Variants in VNN1 observed in about 807,000 individuals in gnomAD.
VNN1 encodes pantetheinase.
VNN1 carries 29 observed loss-of-function variants against 41.9 expected under a neutral mutation model. That is an observed-to-expected ratio of 0.69 (90% CI 0.52 to 0.94). VNN1 has a LOEUF of 0.94. Among genes scored for constraint, VNN1 ranks in the 40% least tolerant of loss-of-function variants. The pLI is 0.00. For missense variants in VNN1, 637 were observed against 621.1 expected (o/e 1.03, Z -0.27); for synonymous variants, 233 against 224.4 (o/e 1.04, Z -0.34).
chr6:132,706,669 G>A (rs570707360), intron 2 of VNN1, among the ~76,000 whole-genome samples: 1 of 152,118 alleles, frequency 6.6e-6, no homozygotes, highest in Admixed American at 6.6e-5. Flanking sequence ...ATCACATGAA[G>A]GTAAAAAGCT....
intron 2 of VNN1, among the ~76,000 whole-genome samples, chr6:132,704,194 A>G (rs1459591575): frequency 1.3e-5 from 2 of 152,292 alleles, no homozygotes; most frequent in East Asian, 3.9e-4. Flanking sequence ...CTTAATCTGC[A>G]TTACAGACCA....
At chr6:132,712,261 C>A (rs544313264) in intron 1 of VNN1, among the ~76,000 whole-genome samples, 1 of 151,470 alleles carries the variant, frequency 6.6e-6, no homozygotes, top group African/African-American at 2.4e-5. Context: ...GCGATTCTCC[C>A]GCCTCAGCCT....
intron 5 of VNN1, 126 bp downstream of exon 5, chr6:132,692,097 A>T (rs1778295064): frequency 9.1e-7 from 1 of 1,101,550 alleles, no homozygotes; most frequent in Non-Finnish European, 1.2e-6. Flanking sequence ...CAAAATTTTT[A>T]GCATACATAA....
At position 132,684,061 on chromosome 6, in the gene VNN1, C is replaced by T. The variant is rs926794749; in HGVS notation, c.1359+274G>A. On this transcript the variant is annotated intron_variant, in intron 6 of 6. Transcript: ENST00000367928. ...ATGGCACTGGTTCTGAAACTACTCT[C>T]GTTGAATCTTCTTTCTACTTGGAAG... 3.3e-5 allele frequency among the ~76,000 whole-genome samples: 5 copies of T among 152,118 alleles called. No homozygotes were observed. The East Asian group carries it at 7.7e-4, about 24-fold the overall frequency.
chr6:132,702,530 C>T (rs566301151), intron 2 of VNN1, among the ~76,000 whole-genome samples: 2 of 152,130 alleles, frequency 1.3e-5, no homozygotes, highest in Non-Finnish European at 2.9e-5. Flanking sequence ...AGTGAGACAC[C>T]AGCTGGAGTA....
At chr6:132,712,023 T>C (rs1778607960) in intron 1 of VNN1, among the ~76,000 whole-genome samples, 184 bp from the exon 2 acceptor site, 1 of 152,138 alleles carries the variant, frequency 6.6e-6, no homozygotes, top group African/African-American at 2.4e-5. Context: ...GCACTGTCAC[T>C]TCTTTTTCTT....
intron 2 of VNN1, among the ~76,000 whole-genome samples, chr6:132,695,749 T>C (rs1239322249): frequency 6.6e-6 from 1 of 152,156 alleles, no homozygotes; most frequent in Non-Finnish European, 1.5e-5. Flanking sequence ...TCGCCATACA[T>C]GCCCAGGGAA....
rs767686848 is a variant in VNN1, at chr6:132,683,219, G to A, written c.1463C>T (p.Ala488Val). 5.0e-6 allele frequency: 8 copies of A among 1,614,080 alleles called. No individual in the cohort carries two copies. Among genetic ancestry groups the A allele is most frequent in the East Asian group, 2.2e-5 (1 of 44,872 alleles). ...RLYEKDWASN[A>V]SSGLTAQARI... The stretch of plus-strand genomic sequence containing the variant: ...TGCTTGTGCTGTGAGGCCTGATGAA[G>A]CATTTGATGCCCAGTCCTTCTCATA... The change falls in exon 7 of 7, where the codon GCT becomes GTT. Residue 488 changes from alanine to valine, a missense_variant. Physicochemically the swap from Ala to Val is moderately conservative, Grantham distance 64 (BLOSUM62 0). Coordinates refer to ENST00000367928, the MANE Select transcript of VNN1 (RefSeq NM_004666.3).
Position 132,692,405 on chromosome 6 carries a change from T to G in VNN1, c.1006A>C (p.Thr336Pro). 6.2e-7 allele frequency: 1 copy of G among 1,614,146 alleles called. No individual in the cohort carries two copies. The highest frequency in any genetic ancestry group is 8.5e-7 in the Non-Finnish European group (1 of 1,180,014). The change falls in exon 5 of 7, where the codon ACT becomes CCT. Residue 336 changes from threonine (T) to proline (P), a missense_variant. Thr to Pro is a conservative substitution (Grantham distance 38). Coordinates refer to ENST00000367928, the MANE Select transcript of VNN1 (RefSeq NM_004666.3). Reference sequence around the variant, plus strand: ...AAAGTGAATTCATCGAAAAAGACAGTGCCTTTAAATTCCTTGTTTCCTGAT... The same window carrying G: ...AAAGTGAATTCATCGAAAAAGACAGGGCCTTTAAATTCCTTGTTTCCTGAT... Reference protein sequence around the residue: ...LSSGNKEFKGTVFFDEFTFVK... With the variant: ...LSSGNKEFKGPVFFDEFTFVK...
chr6:132,703,176 C>A (rs1379049957), intron 2 of VNN1, among the ~76,000 whole-genome samples: 1 of 152,060 alleles, frequency 6.6e-6, no homozygotes, highest in Non-Finnish European at 1.5e-5. Flanking sequence ...TTTCTTCAAT[C>A]TGAAAGAAAA....
rs45580133 is a variant in VNN1, at chr6:132,681,304, A to G, written c.*1836T>C. On this transcript the variant is annotated 3_prime_UTR_variant, in exon 7 of 7. Coordinates refer to ENST00000367928, the MANE Select transcript of VNN1 (RefSeq NM_004666.3). ...TTATGAAAGTTTTTCTAGCATCCTAAAGAATGGAGGCCTGGCAACCGCCGT... is the reference window on the plus strand; with the variant it reads ...TTATGAAAGTTTTTCTAGCATCCTAGAGAATGGAGGCCTGGCAACCGCCGT... Among the ~76,000 whole-genome samples the G allele has an allele frequency of 6.6e-6, 1 of 152,120 alleles. No homozygotes were observed. The highest frequency in any genetic ancestry group is 2.1e-4 in the South Asian group (1 of 4,820).
chr6:132,697,462 A>C (rs1778390543), intron 2 of VNN1, among the ~76,000 whole-genome samples: 1 of 152,154 alleles, frequency 6.6e-6, no homozygotes, highest in Non-Finnish European at 1.5e-5. Flanking sequence ...TTAATGCCTG[A>C]TTTTTTTATT....
chr6:132,691,779 C>T (rs192447139), intron 5 of VNN1, among the ~76,000 whole-genome samples: 2 of 152,158 alleles, frequency 1.3e-5, no homozygotes, highest in Admixed American at 6.5e-5. Flanking sequence ...GGCGGATCAC[C>T]TGAGCTCGGG....
rs1327580479 is a variant in VNN1, at chr6:132,688,774, C to G, written c.1188+3449G>C. Among the ~76,000 whole-genome samples, 3 of 152,102 alleles carry G rather than the reference C, an allele frequency of 2.0e-5. No individual in the cohort carries two copies. The East Asian group carries it at 5.8e-4, about 29-fold the overall frequency. ...TTTTATGGCAATAAATGTTCTTCTA[C>G]AATATGATTCATTTAATTTCCAGTT... is the stretch of plus-strand genomic sequence containing the variant. On this transcript the variant is annotated intron_variant, in intron 5 of 6. Coordinates refer to ENST00000367928, the MANE Select transcript of VNN1 (RefSeq NM_004666.3).
chr6:132,698,544 G>A (rs897403390), intron 2 of VNN1, among the ~76,000 whole-genome samples: 2 of 152,206 alleles, frequency 1.3e-5, no homozygotes, highest in Non-Finnish European at 2.9e-5. Context: ...TGAAATAACA[G>A]TATGAAATAA....
intron 5 of VNN1, among the ~76,000 whole-genome samples, chr6:132,685,771 C>CT (rs1190077130): frequency 2.0e-5 from 3 of 152,130 alleles, no homozygotes; most frequent in Admixed American, 6.5e-5. Flanking sequence ...TGAAGGATGC[C>CT]TTGGATACTA....
intron 2 of VNN1, among the ~76,000 whole-genome samples, chr6:132,703,752 T>C (rs555426530): frequency 2.6e-5 from 4 of 151,776 alleles, no homozygotes; most frequent in African/African-American, 9.7e-5. Flanking sequence ...TCAAAAGACA[T>C]AGAGTGGCTA....
At chr6:132,709,430 G>A (rs1242082734) in intron 2 of VNN1, among the ~76,000 whole-genome samples, 2 of 152,146 alleles carry the variant, frequency 1.3e-5, no homozygotes, top group Admixed American at 1.3e-4. Context: ...CCAGCACTTT[G>A]GGAGGCCGAG....
chr6:132,686,013 A>G (rs999941876), intron 5 of VNN1, among the ~76,000 whole-genome samples: 1 of 152,088 alleles, frequency 6.6e-6, no homozygotes, highest in South Asian at 2.1e-4. Flanking sequence ...GCAAGGATTT[A>G]TCTTTCAGGA....
Sources: allele counts gnomAD v4.1 joint callset (sites outside exome capture counted in the v4.1 genomes callset), GRCh38; gene constraint gnomAD v4.1.1; transcripts MANE v1.5; gene names NCBI Gene and HGNC (gene_info 2026-07-23, HGNC 2026-07-21).